DIS3L2: variants seen among roughly 807,000 people sequenced by gnomAD.
The protein encoded by DIS3L2 is DIS3 like 3'-5' exoribonuclease 2.
Under a neutral mutation model 97.5 loss-of-function variants are expected in DIS3L2, and 34 were observed. The observed-to-expected ratio is 0.35, with a 90% CI of 0.27 to 0.46. DIS3L2 has a LOEUF of 0.46. Among genes scored for constraint, DIS3L2 ranks in the 20% least tolerant of loss-of-function variants. DIS3L2 has a pLI of 1.00. For synonymous variants in DIS3L2, 435 were observed against 445.2 expected (o/e 0.98, Z 0.29); for missense variants, 1,038 against 1,146.0 (o/e 0.91, Z 1.36).
At chr2:232,137,897 G>T (rs1698402106) in intron 8 of DIS3L2, among the ~76,000 whole-genome samples, 2 of 152,132 alleles carry the variant, frequency 1.3e-5, no homozygotes, top group African/African-American at 2.4e-5. Flanking sequence ...GCCCTAAATA[G>T]TCCTTCTTAC....
chr2:232,018,152 T>TC (rs753791951), intron 3 of DIS3L2, among the ~76,000 whole-genome samples: 3 of 152,210 alleles, frequency 2.0e-5, no homozygotes, highest in Non-Finnish European at 2.9e-5. Context: ...ATTATACCTG[T>TC]CTAGAGATAA....
chr2:232,288,703 T>C (rs1448174232), intron 13 of DIS3L2, among the ~76,000 whole-genome samples: 2 of 152,262 alleles, frequency 1.3e-5, no homozygotes, highest in Non-Finnish European at 2.9e-5. Context: ...CTGAGTATTG[T>C]ATGGGAATGT....
intron 1 of DIS3L2, among the ~76,000 whole-genome samples, chr2:231,984,553 ATT>A (rs780406388): frequency 2.1e-5 from 3 of 140,168 alleles, no homozygotes; most frequent in Admixed American, 7.1e-5. Context: ...CGCCCGGCTA[ATT>A]TTTTTTTTTT....
intron 1 of DIS3L2, among the ~76,000 whole-genome samples, chr2:231,966,833 A>G (rs899357112): frequency 2.0e-5 from 3 of 151,842 alleles, no homozygotes; most frequent in Non-Finnish European, 2.9e-5. Context: ...GAGTGGTGGT[A>G]GAATGGCAGA....
intron 9 of DIS3L2, among the ~76,000 whole-genome samples, chr2:232,177,355 T>C (rs76946496): frequency 0.14 from 18,869 of 133,124 alleles, 1,616 homozygotes; most frequent in African/African-American, 0.26. Flanking sequence ...ATGGTATTTC[T>C]AGTTCTAGAT....
chr2:232,088,433 G>T (rs921007435), intron 6 of DIS3L2, among the ~76,000 whole-genome samples: 4 of 150,906 alleles, frequency 2.7e-5, no homozygotes, highest in Non-Finnish European at 5.9e-5. Flanking sequence ...GTTGTGGCGG[G>T]CACCTGTAGT....
At chr2:232,302,664 G>C (rs1694887720) in intron 14 of DIS3L2, among the ~76,000 whole-genome samples, 1 of 151,156 alleles carries the variant, frequency 6.6e-6, no homozygotes, top group African/African-American at 2.4e-5. Flanking sequence ...GGGTTCAAGT[G>C]ATTCTCCTGC....
chr2:232,094,809 T>A (rs1696956313), intron 6 of DIS3L2, among the ~76,000 whole-genome samples: 1 of 152,008 alleles, frequency 6.6e-6, no homozygotes, highest in East Asian at 1.9e-4. Context: ...TCTAGTAATA[T>A]TTGCTTTATA....
At chr2:232,181,301 C>A (rs1691260837) in intron 9 of DIS3L2, among the ~76,000 whole-genome samples, 2 of 152,120 alleles carry the variant, frequency 1.3e-5, no homozygotes, top group South Asian at 4.1e-4. Flanking sequence ...TGGAGTTGCT[C>A]TTCTCGAGGA....
intron 10 of DIS3L2, among the ~76,000 whole-genome samples, chr2:232,228,199 C>A (rs1020313389): frequency 3.7e-4 from 56 of 152,302 alleles, no homozygotes; most frequent in African/African-American, 1.3e-3. Context: ...CTCCTGACCT[C>A]AGGTGATCCA....
At chr2:232,169,653 T>C (rs1690926561) in intron 9 of DIS3L2, among the ~76,000 whole-genome samples, 1 of 152,182 alleles carries the variant, frequency 6.6e-6, no homozygotes, top group African/African-American at 2.4e-5. Flanking sequence ...CTAACAGGGC[T>C]TGCAAGTCCT....
At chr2:232,093,000 A>G (rs1479665329) in intron 6 of DIS3L2, among the ~76,000 whole-genome samples, 2 of 152,096 alleles carry the variant, frequency 1.3e-5, no homozygotes, top group Non-Finnish European at 2.9e-5. Flanking sequence ...GTTTTTCCCC[A>G]TTCAGTTTGA....
intron 14 of DIS3L2, among the ~76,000 whole-genome samples, chr2:232,317,173 C>T (rs960193333): frequency 8.5e-5 from 13 of 152,168 alleles, no homozygotes; most frequent in African/African-American, 2.7e-4. Flanking sequence ...AGGCTTTCCT[C>T]GCCCAGGCAG....
intron 1 of DIS3L2, among the ~76,000 whole-genome samples, chr2:231,976,334 A>G (rs1243914817): frequency 6.6e-6 from 1 of 152,126 alleles, no homozygotes; most frequent in Non-Finnish European, 1.5e-5. Flanking sequence ...ATAAGTTGAA[A>G]ATGTCATAGA....
At chr2:232,188,094 C>T (rs559863565) in intron 9 of DIS3L2, among the ~76,000 whole-genome samples, 3 of 151,992 alleles carry the variant, frequency 2.0e-5, no homozygotes, top group Admixed American at 6.5e-5. Context: ...GAGCTGAGAT[C>T]GCGCCATAGC....
intron 5 of DIS3L2, among the ~76,000 whole-genome samples, chr2:232,059,912 G>GTCTT (rs34239359): frequency 0.015 from 2,219 of 152,160 alleles, 22 homozygotes; most frequent in Non-Finnish European, 0.021. Flanking sequence ...TTGATTCTAT[G>GTCTT]TCTTTCCTAT....
chr2:232,254,563 T>TA (rs2106270494), intron 12 of DIS3L2, among the ~76,000 whole-genome samples: 2 of 152,234 alleles, frequency 1.3e-5, no homozygotes, highest in Non-Finnish European at 2.9e-5. Context: ...AAACAGAAAA[T>TA]AAAAGCCCAT....
intron 14 of DIS3L2, among the ~76,000 whole-genome samples, chr2:232,304,686 G>A (rs1001291456): frequency 2.6e-5 from 4 of 152,152 alleles, no homozygotes; most frequent in African/African-American, 7.2e-5. Flanking sequence ...TTGGCCTCCC[G>A]GCTGTCCTCT....
chr2:232,339,637 A>T, downstream of DIS3L2: 1 of 443,596 alleles, frequency 2.3e-6, no homozygotes, highest in Non-Finnish European at 4.6e-6. Flanking sequence ...GGGTGTTCAG[A>T]GAACAAGGCC....
Sources: gnomAD v4.1 joint callset for allele counts (sites outside exome capture counted in the v4.1 genomes callset) on GRCh38, gnomAD v4.1.1 for gene constraint, MANE v1.5 for transcripts, NCBI Gene and HGNC (gene_info 2026-07-23, HGNC 2026-07-21) for gene names.